Variants in CACNA1D observed in about 807,000 individuals in gnomAD.
The protein encoded by CACNA1D is voltage-dependent L-type calcium channel subunit alpha-1D.
In CACNA1D, 55 loss-of-function variants were observed where a neutral mutation model predicts 257.1. The observed-to-expected ratio is 0.21, with a 90% CI of 0.17 to 0.27. The LOEUF is 0.27. Ranked by LOEUF, CACNA1D falls within the 10% of genes least tolerant of loss-of-function variation. The pLI, the probability that CACNA1D is intolerant of heterozygous loss-of-function variation, is 1.00. For synonymous variants in CACNA1D, 980 were observed against 1,014.9 expected (o/e 0.97, Z 0.65); for missense variants, 1,876 against 2,784.0 (o/e 0.67, Z 7.34).
At chr3:53,722,204 A>C (rs2094889825) in intron 11 of CACNA1D, 110 bp from the exon 12 acceptor site, 2 of 1,092,710 alleles carry the variant, frequency 1.8e-6, no homozygotes, top group Non-Finnish European at 2.8e-6. Context: ...CTGCACTCCC[A>C]CCCCAATCTA....
intron 3 of CACNA1D, among the ~76,000 whole-genome samples, chr3:53,565,893 C>T (rs2092825377): frequency 6.6e-6 from 1 of 152,168 alleles, no homozygotes; most frequent in Non-Finnish European, 1.5e-5. Flanking sequence ...TTCTGCTCCC[C>T]AAATGTGATA....
chr3:53,576,564 G>A (rs894943740), intron 3 of CACNA1D, among the ~76,000 whole-genome samples: 6 of 152,202 alleles, frequency 3.9e-5, no homozygotes, highest in African/African-American at 1.2e-4. Flanking sequence ...GGGAGTTGCT[G>A]TGGGAAGACC....
chr3:53,777,278 C>T (rs1033256286), intron 37 of CACNA1D, among the ~76,000 whole-genome samples: 5 of 152,104 alleles, frequency 3.3e-5, no homozygotes, highest in East Asian at 3.9e-4. Context: ...GAATGGACAT[C>T]GTAATGGCAA....
At chr3:53,588,260 A>G (rs1478850741) in intron 3 of CACNA1D, among the ~76,000 whole-genome samples, 1 of 152,124 alleles carries the variant, frequency 6.6e-6, no homozygotes. Context: ...GGCACACTGG[A>G]GTCTCAGGGG....
At chr3:53,753,214 A>G (rs1177644863) in intron 28 of CACNA1D, among the ~76,000 whole-genome samples, 3 of 152,246 alleles carry the variant, frequency 2.0e-5, no homozygotes, top group Non-Finnish European at 2.9e-5. Context: ...CATAAAATTT[A>G]TCCCTAACCA....
rs529370207 is a variant in CACNA1D, at chr3:53,517,487, CT to C, written c.483+15782del. On this transcript the variant is annotated intron_variant, in intron 3 of 47. Transcript: ENST00000350061. ...CATTTTCTTTTCCTTTTCTTTCTTTCTTTTTTTTTTTTTTTAGACAGAGTCT... is the reference window on the plus strand; with the variant it reads ...CATTTTCTTTTCCTTTTCTTTCTTTCTTTTTTTTTTTTTTAGACAGAGTCT... Among the ~76,000 whole-genome samples the C allele has an allele frequency of 0.01, 1,459 of 140,584 alleles. 75 individuals are homozygous for C. The South Asian group carries it at 0.15, about 15-fold the overall frequency. 92.2% of individuals were successfully genotyped at this position (140,584 alleles called of 152,430 possible).
intron 3 of CACNA1D, among the ~76,000 whole-genome samples, chr3:53,538,624 C>A (rs945645093): frequency 6.6e-6 from 1 of 152,302 alleles, no homozygotes; most frequent in South Asian, 2.1e-4. Flanking sequence ...AACCTTCTCA[C>A]ATTGGTCCCT....
rs539345505 is a variant in CACNA1D at position 53,624,012 on chromosome 3, ATCT to A, written c.484-26761_484-26759del. 2.9e-3 allele frequency among the ~76,000 whole-genome samples: 438 copies of A among 152,342 alleles called. 3 individuals carry two copies. The highest frequency in any genetic ancestry group is 9.3e-3 in the African/African-American group (388 of 41,578). On this transcript the variant is annotated intron_variant, in intron 3 of 47. Transcript: ENST00000350061. ...ATTTTAATAAAAGATGAACAAGGTC[ATCT>A]TCTTCCTTCTGATGAAAGTTACCCA...
chr3:53,782,008 T>C, intron 39 of CACNA1D: 1 of 272,260 alleles, frequency 3.7e-6, no homozygotes, highest in Non-Finnish European at 7.0e-6. Context: ...CAAAACTAGT[T>C]TCCAATTACC....
At chr3:53,805,543 C>T (rs776801171) in intron 45 of CACNA1D, among the ~76,000 whole-genome samples, 1 of 152,180 alleles carries the variant, frequency 6.6e-6, no homozygotes, top group Admixed American at 6.5e-5. Flanking sequence ...ACTGAGCCCC[C>T]AAAGGGGAAG....
intron 9 of CACNA1D, among the ~76,000 whole-genome samples, chr3:53,713,543 T>TGTGTGTGTGTGTGTGTGTGTGA (rs377132134): frequency 8.3e-6 from 1 of 120,932 alleles, no homozygotes; most frequent in African/African-American, 3.0e-5. Context: ...TGTGTGTGTG[T>TGTGTGTGTGTGTGTGTGTGTGA]GAGAGATTTG....
intron 3 of CACNA1D, among the ~76,000 whole-genome samples, chr3:53,562,766 G>A (rs2092763342): frequency 6.6e-6 from 1 of 152,184 alleles, no homozygotes; most frequent in African/African-American, 2.4e-5. Flanking sequence ...TGAATGCTAG[G>A]TATTCATTCA....
intron 3 of CACNA1D, among the ~76,000 whole-genome samples, chr3:53,522,783 A>G (rs1038549991): frequency 6.6e-6 from 1 of 152,194 alleles, no homozygotes; most frequent in African/African-American, 2.4e-5. Context: ...TGTTGGGAAC[A>G]TTTCAAATCT....
At chr3:53,639,465 C>G (rs530955723) in intron 3 of CACNA1D, among the ~76,000 whole-genome samples, 1 of 152,052 alleles carries the variant, frequency 6.6e-6, no homozygotes, top group African/African-American at 2.4e-5. Flanking sequence ...CGGCTCACTG[C>G]AACTTCCGCC....
chr3:53,655,750 T>C (rs1317868091), intron 4 of CACNA1D, among the ~76,000 whole-genome samples: 1 of 152,194 alleles, frequency 6.6e-6, no homozygotes, highest in East Asian at 1.9e-4. Flanking sequence ...TTTTACCCTG[T>C]TTCTTTTGTT....
In CACNA1D at chr3:53,778,853, C is replaced by CA. The variant is rs141926335; in HGVS notation, c.4588-1171dup. ...CCACATAGGCTCATGCAAAATGCCA[C>CA]AAGATGTACATGATGGTCTAACTAG... On this transcript the variant is annotated intron_variant, in intron 37 of 47. Coordinates refer to ENST00000350061, the MANE Select transcript of CACNA1D (RefSeq NM_001128840.3). Among the ~76,000 whole-genome samples, 35 of 152,358 alleles carry CA rather than the reference C, an allele frequency of 2.3e-4. 1 individual carries two copies. In the East Asian group the frequency reaches 6.2e-3, roughly 27 times the overall value.
chr3:53,757,106 C>T lies in CACNA1D; in HGVS notation c.3786+3424C>T, dbSNP rs150832507. 1.1e-3 allele frequency among the ~76,000 whole-genome samples: 174 copies of T among 152,294 alleles called. 2 individuals are homozygous for T. Among genetic ancestry groups the T allele is most frequent in the African/African-American group, 3.8e-3 (159 of 41,564 alleles). On this transcript the variant is annotated intron_variant, in intron 29 of 47. Transcript: ENST00000350061. ...TGATGCAGAATGGGCACTGAGTCCT[C>T]ATCTGCCTTCAAGGGCTCTGTTCGC...
chr3:53,583,345 G>A (rs1408898099), intron 3 of CACNA1D, among the ~76,000 whole-genome samples: 2 of 152,090 alleles, frequency 1.3e-5, no homozygotes, highest in Admixed American at 6.5e-5. Context: ...TTAAGCACAG[G>A]GATAAGCCTT....
intron 3 of CACNA1D, among the ~76,000 whole-genome samples, chr3:53,578,831 A>G (rs2107734284): frequency 6.6e-6 from 1 of 152,290 alleles, no homozygotes; most frequent in Non-Finnish European, 1.5e-5. Context: ...GGGGTCCTGC[A>G]TTTTCATTTT....
Sources: gnomAD v4.1 joint callset for allele counts (sites outside exome capture counted in the v4.1 genomes callset) on GRCh38, gnomAD v4.1.1 for gene constraint, MANE v1.5 for transcripts, NCBI Gene and HGNC (gene_info 2026-07-23, HGNC 2026-07-21) for gene names.